RAD51B: variants seen among roughly 807,000 people sequenced by gnomAD.
RAD51B encodes RAD51 paralog B, also known as DNA repair protein RAD51 homolog 2.
A neutral mutation model predicts 42.2 loss-of-function variants in RAD51B; 38 were observed. The observed-to-expected ratio is 0.90, with a 90% CI of 0.70 to 1.18. The LOEUF (loss-of-function observed/expected upper bound fraction) is 1.18. Among genes scored for constraint, RAD51B ranks in the 50% most tolerant of loss-of-function variants. The probability of loss-of-function intolerance (pLI) is 0.00; values close to 1 mark genes in which losing one functional copy is unlikely to be tolerated. For missense variants in RAD51B, 373 were observed against 400.7 expected (o/e 0.93, Z 0.59); for synonymous variants, 154 against 145.2 (o/e 1.06, Z -0.43).
chr14:68,166,326 A>G (rs1362710407), intron 7 of RAD51B, among the ~76,000 whole-genome samples: 1 of 152,066 alleles, frequency 6.6e-6, no homozygotes, highest in East Asian at 1.9e-4. Context: ...ACAAAATACT[A>G]ATTATTATTT....
At chr14:68,137,887 G>A (rs2078043776) in intron 7 of RAD51B, among the ~76,000 whole-genome samples, 1 of 152,216 alleles carries the variant, frequency 6.6e-6, no homozygotes, top group Admixed American at 6.5e-5. Context: ...CGCTCCATTA[G>A]TCATGGTGCA....
At chr14:68,623,482 G>T (rs574579160) in intron 10 of RAD51B, among the ~76,000 whole-genome samples, 1 of 152,284 alleles carries the variant, frequency 6.6e-6, no homozygotes, top group Admixed American at 6.5e-5. Context: ...ACTGCAAAAG[G>T]CCAACATGCA....
intron 7 of RAD51B, among the ~76,000 whole-genome samples, chr14:68,263,754 A>C (rs761445242): frequency 1.3e-5 from 2 of 152,174 alleles, no homozygotes; most frequent in Non-Finnish European, 2.9e-5. Context: ...TTCTTTCATA[A>C]TGGCCTAGCC....
chr14:68,525,557 G>A (rs1473138506), intron 10 of RAD51B, among the ~76,000 whole-genome samples: 2 of 152,190 alleles, frequency 1.3e-5, no homozygotes, highest in Admixed American at 6.5e-5. Context: ...TCCTGGCTAA[G>A]CCCCACCTGC....
At chr14:68,620,856 G>C (rs1442451380) in intron 10 of RAD51B, among the ~76,000 whole-genome samples, 1 of 152,226 alleles carries the variant, frequency 6.6e-6, no homozygotes, top group Non-Finnish European at 1.5e-5. Flanking sequence ...GGCAGCTCGG[G>C]AGTTTCTGTA....
chr14:68,220,248 A>C (rs1301655440), intron 7 of RAD51B, among the ~76,000 whole-genome samples: 1 of 152,288 alleles, frequency 6.6e-6, no homozygotes, highest in Non-Finnish European at 1.5e-5. Context: ...CTGAAAGTTT[A>C]GAAAGCGTAT....
intron 7 of RAD51B, among the ~76,000 whole-genome samples, chr14:68,054,276 T>C (rs187064718): frequency 1.3e-5 from 2 of 152,326 alleles, no homozygotes; most frequent in Admixed American, 1.3e-4. Context: ...GAACAATTTA[T>C]TCTTTGTCCC....
At chr14:68,513,226 G>A (rs1251287214) in intron 10 of RAD51B, among the ~76,000 whole-genome samples, 1 of 151,950 alleles carries the variant, frequency 6.6e-6, no homozygotes, top group Admixed American at 6.5e-5. Context: ...GCCAGCTTGG[G>A]TTAAACACTG....
In RAD51B at chr14:68,261,051, A is replaced by G. The variant is rs75621835; in HGVS notation, c.757-30833A>G. ...CATTCTGCATGATTTCATAGAATCA[A>G]TTTTTTCTTAAGGTCTCATATCCTT... On this transcript the variant is annotated intron_variant, in intron 7 of 10. Coordinates refer to ENST00000471583, the MANE Select transcript of RAD51B (RefSeq NM_133510.4). Among the ~76,000 whole-genome samples, 925 of 152,218 alleles carry G rather than the reference A, an allele frequency of 6.1e-3. 6 individuals are homozygous for G. The highest frequency in any genetic ancestry group is 0.021 in the African/African-American group (877 of 41,530).
downstream of RAD51B, among the ~76,000 whole-genome samples, chr14:68,615,922 T>C (rs1183866874): frequency 6.6e-6 from 1 of 152,204 alleles, no homozygotes; most frequent in Non-Finnish European, 1.5e-5. Context: ...GTAACATACA[T>C]GTTTGGTTTA....
At position 68,276,722 on chromosome 14, in the gene RAD51B, T is replaced by C. The variant is rs140580073; in HGVS notation, c.757-15162T>C. 1.2e-3 allele frequency among the ~76,000 whole-genome samples: 176 copies of C among 152,286 alleles called. 2 individuals carry two copies. Among genetic ancestry groups the C allele is most frequent in the Admixed American group, 2.9e-3 (45 of 15,296 alleles). On this transcript the variant is annotated intron_variant, in intron 7 of 10. Coordinates refer to ENST00000471583, the MANE Select transcript of RAD51B (RefSeq NM_133510.4). Reference sequence around the variant, plus strand: ...CACCACTTCAGAGCAACTGCTTTAGTGCAATTGGTATGTCAGCAGGGGCCT... The same window carrying C: ...CACCACTTCAGAGCAACTGCTTTAGCGCAATTGGTATGTCAGCAGGGGCCT...
chr14:68,203,094 A>G (rs1208742513), intron 7 of RAD51B, among the ~76,000 whole-genome samples: 1 of 152,156 alleles, frequency 6.6e-6, no homozygotes, highest in Non-Finnish European at 1.5e-5. Context: ...CCCATGAATC[A>G]TGAATGTTCT....
At chr14:68,357,140 G>A (rs1203342549) in intron 8 of RAD51B, among the ~76,000 whole-genome samples, 2 of 152,152 alleles carry the variant, frequency 1.3e-5, no homozygotes, top group African/African-American at 4.8e-5. Context: ...CCCTGCCACT[G>A]CTTTGTCAAC....
At chr14:68,536,027 G>T (rs1012981678) in intron 10 of RAD51B, among the ~76,000 whole-genome samples, 1 of 152,220 alleles carries the variant, frequency 6.6e-6, no homozygotes, top group African/African-American at 2.4e-5. Context: ...AGCAGTCTTA[G>T]AAATGGGTAA....
rs559289213 is a variant in RAD51B, at chr14:68,063,287, A to C, written c.756+176083A>C. On this transcript the variant is annotated intron_variant, in intron 7 of 10. Transcript: ENST00000471583. ...TGATTTACATATTTATTCTTGGCCAAATCTCATGTTGAATTGTAATCCCCA... is the reference window on the plus strand; with the variant it reads ...TGATTTACATATTTATTCTTGGCCACATCTCATGTTGAATTGTAATCCCCA... 6.8e-4 allele frequency among the ~76,000 whole-genome samples: 104 copies of C among 152,234 alleles called. 1 individual carries two copies. Among genetic ancestry groups the C allele is most frequent in the African/African-American group, 2.5e-3 (104 of 41,538 alleles).
chr14:67,870,549 T>A (rs1677328607), intron 5 of RAD51B, among the ~76,000 whole-genome samples: 1 of 114,352 alleles, frequency 8.7e-6, no homozygotes, highest in Non-Finnish European at 1.8e-5. Flanking sequence ...TCAACAAGGA[T>A]ACCCAGGAAT....
chr14:67,952,991 C>T (rs9652363), intron 7 of RAD51B, among the ~76,000 whole-genome samples: 10,449 of 151,814 alleles, frequency 0.069, 874 homozygotes, highest in African/African-American at 0.2. Flanking sequence ...GTGAGACTTA[C>T]ATATATTCTA....
intron 8 of RAD51B, among the ~76,000 whole-genome samples, chr14:68,321,436 G>A (rs1456013673): frequency 6.6e-6 from 1 of 152,222 alleles, no homozygotes; most frequent in Non-Finnish European, 1.5e-5. Context: ...GAATGCTGGT[G>A]CCACAGGGGC....
chr14:68,341,973 G>A (rs546294799), intron 8 of RAD51B, among the ~76,000 whole-genome samples: 1 of 152,070 alleles, frequency 6.6e-6, no homozygotes, highest in Non-Finnish European at 1.5e-5. Context: ...ATGATGGCTT[G>A]ACATATTGTG....
Sources: allele counts gnomAD v4.1 joint callset (sites outside exome capture counted in the v4.1 genomes callset), GRCh38; gene constraint gnomAD v4.1.1; transcripts MANE v1.5; gene names NCBI Gene and HGNC (gene_info 2026-07-23, HGNC 2026-07-21).